ZGRF1: variants seen among roughly 807,000 people sequenced by gnomAD.
The protein encoded by ZGRF1 is zinc finger GRF-type containing 1.
In ZGRF1, 196 loss-of-function variants were observed where a neutral mutation model predicts 203.5. That is an observed-to-expected ratio of 0.96 (90% CI 0.86 to 1.08). ZGRF1 has a LOEUF of 1.08. Ranked by LOEUF, ZGRF1 falls within the 50% of genes least tolerant of loss-of-function variation. The probability of loss-of-function intolerance (pLI) is 0.00; values close to 1 mark genes in which losing one functional copy is unlikely to be tolerated. For synonymous variants in ZGRF1, 809 were observed against 841.3 expected (o/e 0.96, Z 0.66); for missense variants, 2,326 against 2,416.3 (o/e 0.96, Z 0.78).
At chr4:112,595,020 T>A (rs1748762869) in intron 10 of ZGRF1, among the ~76,000 whole-genome samples, 2 of 151,896 alleles carry the variant, frequency 1.3e-5, no homozygotes, top group Non-Finnish European at 2.9e-5. Context: ...GGCAGGCAGA[T>A]CACCTGAGGT....
intron 17 of ZGRF1, among the ~76,000 whole-genome samples, 195 bp downstream of exon 17, chr4:112,562,936 C>T (rs529989793): frequency 6.6e-6 from 1 of 152,210 alleles, no homozygotes; most frequent in South Asian, 2.1e-4. Flanking sequence ...AAAATTAGAA[C>T]AAAACAATCC....
At chr4:112,596,445 G>A (rs2149065403) in intron 10 of ZGRF1, among the ~76,000 whole-genome samples, 1 of 152,156 alleles carries the variant, frequency 6.6e-6, no homozygotes, top group South Asian at 2.1e-4. Context: ...AGAAAACACT[G>A]GGGGGAAAAG....
At chr4:112,547,495 C>T (rs760900708) in intron 23 of ZGRF1, 87 bp from the exon 24 acceptor site, 8 of 1,222,800 alleles carry the variant, frequency 6.5e-6, no homozygotes, top group African/African-American at 1.5e-5. Context: ...AATTGCACTT[C>T]GAAATATTCA....
chr4:112,567,145 A>G (rs1320416247), intron 16 of ZGRF1, among the ~76,000 whole-genome samples: 1 of 152,084 alleles, frequency 6.6e-6, no homozygotes, highest in Non-Finnish European at 1.5e-5. Flanking sequence ...CACTTTAGGG[A>G]TTGTTCTGCA....
At chr4:112,567,443 G>A (rs1743336436) in intron 16 of ZGRF1, among the ~76,000 whole-genome samples, 1 of 152,122 alleles carries the variant, frequency 6.6e-6, no homozygotes, top group South Asian at 2.1e-4. Flanking sequence ...GCCTGATAAA[G>A]AGATGTAAAG....
intron 7 of ZGRF1, chr4:112,610,902 TA>T (rs1344169618): frequency 7.3e-6 from 2 of 274,088 alleles, no homozygotes; most frequent in African/African-American, 2.3e-5. Flanking sequence ...GGAAAGGATA[TA>T]AAACTATTTA....
intron 13 of ZGRF1, 74 bp downstream of exon 13, chr4:112,586,371 T>C (rs1158484643): frequency 1.8e-6 from 2 of 1,102,166 alleles, no homozygotes; most frequent in African/African-American, 3.2e-5. Flanking sequence ...CACAATATAA[T>C]GTATTAAATT....
chr4:112,586,368 T>C, intron 13 of ZGRF1, 77 bp downstream of exon 13: 1 of 1,092,234 alleles, frequency 9.2e-7, no homozygotes. Context: ...ATTCACAATA[T>C]AATGTATTAA....
In ZGRF1 at chr4:112,587,570, C is replaced by G. The variant is rs763627701; in HGVS notation, c.3487G>C (p.Val1163Leu). Residue 1163 changes from valine (V) to leucine (L), a missense_variant, in exon 12 of 28, where the codon GTT (valine) becomes CTT (leucine). Coordinates refer to ENST00000505019, the MANE Select transcript of ZGRF1 (RefSeq NM_018392.5). ...SQCNVATPNR[V>L]DKRITDGFFA... is the part of the protein sequence containing the mutation. ...AAGCCATCAGTTATTCTCTTATCAA[C>G]TCTGTTTGGAGTAGCCACGTTGCAT... is the stretch of plus-strand genomic sequence containing the variant. 1.9e-6 allele frequency: 3 copies of G among 1,613,850 alleles called. No individual in the cohort carries two copies. The highest frequency in any genetic ancestry group is 2.5e-6 in the Non-Finnish European group (3 of 1,179,814).
At chr4:112,569,005 A>G (rs1485106594) in intron 16 of ZGRF1, among the ~76,000 whole-genome samples, 1 of 152,008 alleles carries the variant, frequency 6.6e-6, no homozygotes, top group Non-Finnish European at 1.5e-5. Context: ...ACAGAGCAAG[A>G]CTCCATCTCA....
intron 3 of ZGRF1, among the ~76,000 whole-genome samples, chr4:112,628,192 T>C (rs2047297023): frequency 6.6e-6 from 1 of 152,236 alleles, no homozygotes; most frequent in South Asian, 2.1e-4. Context: ...AGAATTCTAA[T>C]AACAAACTAC....
At chr4:112,594,306 A>G (rs1748635890) in intron 10 of ZGRF1, among the ~76,000 whole-genome samples, 1 of 152,132 alleles carries the variant, frequency 6.6e-6, no homozygotes, top group Non-Finnish European at 1.5e-5. Context: ...TTTATATTCA[A>G]CAGTAAATTT....
rs35774230 is a variant in ZGRF1 at position 112,541,534 on chromosome 4, GT to G, written c.5599-267del. 5.0e-4 allele frequency among the ~76,000 whole-genome samples: 68 copies of G among 135,242 alleles called. No individual in the cohort carries two copies. In the South Asian group the frequency reaches 5.6e-3, roughly 11 times the overall value. The allele number at this position is 135,242 out of a possible 152,430, so 88.7% of individuals were successfully genotyped here. ...TCCTAACATTATGGTTTTTTGTTTTGTTTTTTTTTTTTTTGAGATGGAGTCA... is the reference window on the plus strand; with the variant it reads ...TCCTAACATTATGGTTTTTTGTTTTGTTTTTTTTTTTTTGAGATGGAGTCA... On this transcript the variant is annotated intron_variant, in intron 24 of 27. Coordinates refer to ENST00000505019, the MANE Select transcript of ZGRF1 (RefSeq NM_018392.5).
chr4:112,630,999 G>C (rs2047392405), intron 3 of ZGRF1, among the ~76,000 whole-genome samples: 2 of 151,972 alleles, frequency 1.3e-5, no homozygotes, highest in Admixed American at 1.3e-4. Context: ...TTGACCCTTG[G>C]GCAAGCTACT....
intron 8 of ZGRF1, among the ~76,000 whole-genome samples, chr4:112,608,334 C>T (rs766667902): frequency 1.6e-4 from 25 of 152,050 alleles, no homozygotes; most frequent in Non-Finnish European, 2.9e-4. Flanking sequence ...AATTTTAAAC[C>T]TAGGCTGGAG....
At chr4:112,603,175 A>T (rs1466098573) in intron 10 of ZGRF1, among the ~76,000 whole-genome samples, 1 of 152,122 alleles carries the variant, frequency 6.6e-6, no homozygotes, top group Non-Finnish European at 1.5e-5. Context: ...AACTAGAGGT[A>T]CTCAGTGTCA....
intron 9 of ZGRF1, 77 bp from the exon 10 acceptor site, chr4:112,603,774 T>C: frequency 9.4e-7 from 1 of 1,065,792 alleles, no homozygotes; most frequent in South Asian, 1.8e-5. Flanking sequence ...ACACACAGAA[T>C]ACAATACATA....
In ZGRF1 at chr4:112,618,742, GA is replaced by G. The variant is rs982092864; in HGVS notation, c.1299del (p.Gln434LysfsTer29). 2.5e-6 allele frequency: 4 copies of G among 1,609,804 alleles called. No homozygotes were observed. The highest frequency in any genetic ancestry group is 3.3e-4 in the Middle Eastern group (2 of 6,076). On this transcript the variant is annotated frameshift_variant, in exon 6 of 28. Transcript: ENST00000505019. LOFTEE classifies it high-confidence loss of function. The part of the protein sequence containing the change: ...ENDGILSESD[I>X]QEDNKIPFNQ... Reference sequence around the variant, plus strand: ...TTAAAAGGTATTTTATTATCTTCTTGAATGTCAGATTCTGATAATATACCAT... The same window carrying G: ...TTAAAAGGTATTTTATTATCTTCTTGATGTCAGATTCTGATAATATACCAT...
At chr4:112,582,013 G>C (rs1403129339) in intron 15 of ZGRF1, among the ~76,000 whole-genome samples, 3 of 152,104 alleles carry the variant, frequency 2.0e-5, no homozygotes, top group Non-Finnish European at 4.4e-5. Flanking sequence ...AGATAGAAAA[G>C]TATCTAAAAG....
Sources: allele counts gnomAD v4.1 joint callset (sites outside exome capture counted in the v4.1 genomes callset), GRCh38; gene constraint gnomAD v4.1.1; transcripts MANE v1.5; gene names NCBI Gene and HGNC (gene_info 2026-07-23, HGNC 2026-07-21).